The following THSD7B variants were observed in gnomAD, a reference collection of about 807,000 sequenced individuals.
THSD7B encodes thrombospondin type 1 domain containing 7B.
THSD7B carries 138 observed loss-of-function variants against 213.6 expected under a neutral mutation model. The observed-to-expected ratio is 0.65, with a 90% CI of 0.56 to 0.74. The LOEUF is 0.74. Ranked by LOEUF, THSD7B falls within the 30% of genes least tolerant of loss-of-function variation. THSD7B has a pLI of 0.00. For synonymous variants in THSD7B, 742 were observed against 687.0 expected, an observed-to-expected ratio of 1.08 and a Z score of -1.25; for missense variants, 1,931 against 1,991.5, an observed-to-expected ratio of 0.97 and a Z score of 0.58.
Position 137,546,437 on chromosome 2 carries a change from A to ATATATATAT in THSD7B, c.3139-16777_3139-16776insATTATATAT, listed in dbSNP as rs1220892278. ...ATATTATATATATTATATATATATT[A>ATATATATAT]TATATATTATATATATATTATATAT... On this transcript the variant is annotated intron_variant, in intron 15 of 27. Transcript: ENST00000409968. Among the ~76,000 whole-genome samples, 78 of 23,842 alleles carry ATATATATAT rather than the reference A, an allele frequency of 3.3e-3. 4 individuals carry two copies. The highest frequency in any genetic ancestry group is 0.013 in the South Asian group (7 of 542). The allele number at this position is 23,842 out of a possible 152,430, so 15.6% of individuals were successfully genotyped here.
chr2:137,603,156 T>G (rs1354340684), intron 17 of THSD7B, among the ~76,000 whole-genome samples: 3 of 152,158 alleles, frequency 2.0e-5, no homozygotes, highest in African/African-American at 7.2e-5. Flanking sequence ...CGCCTGAGTA[T>G]CCCACCATTG....
intron 1 of THSD7B, among the ~76,000 whole-genome samples, chr2:136,787,632 G>C (rs189973738): frequency 2.6e-5 from 4 of 152,198 alleles, no homozygotes; most frequent in Admixed American, 2.6e-4. Flanking sequence ...AGTTTTTCTT[G>C]GCAAATATAA....
chr2:137,355,191 G>A (rs1346528034), intron 12 of THSD7B, among the ~76,000 whole-genome samples: 1 of 152,138 alleles, frequency 6.6e-6, no homozygotes, highest in African/African-American at 2.4e-5. Flanking sequence ...GAGCTTCATA[G>A]TCTTGGGTTG....
chr2:136,808,882 A>G (rs192105516), intron 1 of THSD7B, among the ~76,000 whole-genome samples: 78 of 152,298 alleles, frequency 5.1e-4, no homozygotes, highest in Admixed American at 4.3e-3. Context: ...AGGAGTCAGA[A>G]GTGCCTAAGT....
At chr2:137,352,152 G>A (rs910669167) in intron 12 of THSD7B, among the ~76,000 whole-genome samples, 1 of 151,666 alleles carries the variant, frequency 6.6e-6, no homozygotes, top group African/African-American at 2.4e-5. Context: ...GGGCAGGGGT[G>A]AGGGGAGAAG....
chr2:136,858,859 C>T (rs1211148017), intron 1 of THSD7B, among the ~76,000 whole-genome samples: 5 of 152,160 alleles, frequency 3.3e-5, no homozygotes, highest in South Asian at 2.1e-4. Flanking sequence ...CAGGCGGATG[C>T]GACAGATGTT....
intron 10 of THSD7B, among the ~76,000 whole-genome samples, chr2:137,262,061 G>T: frequency 6.6e-6 from 1 of 152,142 alleles, no homozygotes. Flanking sequence ...ACCCAGTGGT[G>T]CTATCTGTGC....
chr2:137,362,466 A>ACT (rs1331766039), intron 12 of THSD7B, among the ~76,000 whole-genome samples: 4,196 of 152,264 alleles, frequency 0.028, 202 homozygotes, highest in African/African-American at 0.096. Context: ...AAGACCCATC[A>ACT]GTGCGTTGTA....
At chr2:137,567,557 G>C (rs1437033476) in intron 16 of THSD7B, among the ~76,000 whole-genome samples, 14 of 152,116 alleles carry the variant, frequency 9.2e-5, no homozygotes, top group Non-Finnish European at 1.9e-4. Context: ...TTAATGGTTG[G>C]AATCGATTTA....
chr2:137,027,835 C>A (rs1301549086), intron 2 of THSD7B, among the ~76,000 whole-genome samples: 1 of 152,082 alleles, frequency 6.6e-6, no homozygotes, highest in African/African-American at 2.4e-5. Flanking sequence ...GGATTTATAG[C>A]CCTGACTCTG....
At chr2:137,198,723 G>A (rs1005876752) in intron 7 of THSD7B, among the ~76,000 whole-genome samples, 4 of 152,120 alleles carry the variant, frequency 2.6e-5, no homozygotes, top group African/African-American at 9.7e-5. Context: ...CATTTCTGTG[G>A]ATTCTCATGA....
At chr2:137,289,435 T>C (rs1404653588) in intron 12 of THSD7B, among the ~76,000 whole-genome samples, 1 of 152,090 alleles carries the variant, frequency 6.6e-6, no homozygotes, top group Admixed American at 6.6e-5. Flanking sequence ...TATCATGAAA[T>C]ACCACCTAAG....
In THSD7B at chr2:137,571,828, G is replaced by T. The variant is rs191706125; in HGVS notation, c.3273-578G>T. Among the ~76,000 whole-genome samples, 783 of 150,712 alleles carry T rather than the reference G, an allele frequency of 5.2e-3. 2 individuals carry two copies. The highest frequency in any genetic ancestry group is 7.0e-3 in the Non-Finnish European group (471 of 67,618). Reference sequence around the variant, plus strand: ...TGCTCATTGCCCTTTGTTTTTTTTTGATTTGAAAAATTCTTTACTGAAATG... The same window carrying T: ...TGCTCATTGCCCTTTGTTTTTTTTTTATTTGAAAAATTCTTTACTGAAATG... On this transcript the variant is annotated intron_variant, in intron 16 of 27. Coordinates refer to ENST00000409968, the MANE Select transcript of THSD7B (RefSeq NM_001316349.2).
intron 14 of THSD7B, among the ~76,000 whole-genome samples, chr2:137,412,552 G>GTGC (rs1223790253): frequency 7.6e-6 from 1 of 130,798 alleles, no homozygotes; most frequent in Non-Finnish European, 1.6e-5. Context: ...AGCCCAGACT[G>GTGC]TGCCATTACA....
Position 137,137,256 on chromosome 2 carries a change from C to T in THSD7B, c.1369+21963C>T, listed in dbSNP as rs73958373. 4.2e-3 allele frequency among the ~76,000 whole-genome samples: 646 copies of T among 152,216 alleles called. 3 individuals are homozygous for T. Among genetic ancestry groups the T allele is most frequent in the African/African-American group, 0.015 (616 of 41,536 alleles). On this transcript the variant is annotated intron_variant, in intron 5 of 27. Coordinates refer to ENST00000409968, the MANE Select transcript of THSD7B (RefSeq NM_001316349.2). ...CTATCACCCCCAGAAGGTTTCCTTC[C>T]GCCCCTTCCCAGTTAACTCATTCCA...
intron 7 of THSD7B, among the ~76,000 whole-genome samples, chr2:137,222,288 T>C (rs753228276): frequency 3.9e-5 from 6 of 152,210 alleles, no homozygotes; most frequent in Non-Finnish European, 7.3e-5. Context: ...TTTTCCAGCG[T>C]CACATTTTGG....
At chr2:137,035,260 C>T (rs1057233557) in intron 2 of THSD7B, among the ~76,000 whole-genome samples, 4 of 152,156 alleles carry the variant, frequency 2.6e-5, no homozygotes, top group African/African-American at 9.7e-5. Context: ...TCTCTTTTCT[C>T]ATTTTACTTG....
At chr2:137,334,343 A>C (rs147702151) in intron 12 of THSD7B, among the ~76,000 whole-genome samples, 1 of 152,272 alleles carries the variant, frequency 6.6e-6, no homozygotes, top group East Asian at 1.9e-4. Flanking sequence ...CCAGCTCAGC[A>C]TGAACTCCAC....
At position 137,563,303 on chromosome 2, in the gene THSD7B, A is replaced by G; in HGVS notation, c.3221A>G (p.Asn1074Ser). The G allele has an allele frequency of 6.2e-7, 1 of 1,613,468 alleles. No individual in the cohort carries two copies. Among genetic ancestry groups the G allele is most frequent in the Non-Finnish European group, 8.5e-7 (1 of 1,179,598 alleles). ...CACTGGTCTTCATGCAAAATCAACAATGAGCTGAGGTCCCTGCGCTGTGGA... is the reference window on the plus strand; with the variant it reads ...CACTGGTCTTCATGCAAAATCAACAGTGAGCTGAGGTCCCTGCGCTGTGGA... The part of the protein sequence containing the change: ...VEHWSSCKIN[N>S]ELRSLRCGGG... The change falls in exon 16 of 28, where the codon AAT becomes AGT. Residue 1074 changes from asparagine to serine, a missense_variant. Asn to Ser is a conservative substitution (Grantham distance 46, BLOSUM62 1). Coordinates refer to ENST00000409968, the MANE Select transcript of THSD7B (RefSeq NM_001316349.2).
Sources: gnomAD v4.1 joint callset for allele counts (sites outside exome capture counted in the v4.1 genomes callset) on GRCh38, gnomAD v4.1.1 for gene constraint, MANE v1.5 for transcripts, NCBI Gene and HGNC (gene_info 2026-07-23, HGNC 2026-07-21) for gene names.